NIN: variants seen among roughly 807,000 people sequenced by gnomAD.
The protein encoded by NIN is ninein.
Under a neutral mutation model 257.6 loss-of-function variants are expected in NIN, and 137 were observed. The ratio of observed to expected loss-of-function variants is 0.53; its 90% confidence interval spans 0.46 to 0.61. The LOEUF is 0.61. Ranked by LOEUF, NIN falls within the 20% of genes least tolerant of loss-of-function variation. The pLI is 0.00. For synonymous variants in NIN, 918 were observed against 919.8 expected (o/e 1.00, Z 0.04); for missense variants, 2,439 against 2,501.2 (o/e 0.98, Z 0.53).
chr14:50,798,767 T>A (rs994266184), intron 4 of NIN, among the ~76,000 whole-genome samples: 5 of 152,226 alleles, frequency 3.3e-5, no homozygotes, highest in Non-Finnish European at 7.3e-5. Context: ...TGATGCACAC[T>A]GTCCATAGCT....
At chr14:50,751,747 G>T (rs2041798468) in intron 21 of NIN, among the ~76,000 whole-genome samples, 1 of 152,046 alleles carries the variant, frequency 6.6e-6, no homozygotes, top group South Asian at 2.1e-4. Flanking sequence ...GGCTGGTCTT[G>T]AACTCCTAGG....
At chr14:50,738,631 A>G (rs917388726) in intron 26 of NIN, among the ~76,000 whole-genome samples, 4 of 152,126 alleles carry the variant, frequency 2.6e-5, no homozygotes, top group Non-Finnish European at 4.4e-5. Flanking sequence ...TACTTTTAGG[A>G]GAGAATGGGC....
chr14:50,810,761 C>T (rs1203287391), intron 3 of NIN, among the ~76,000 whole-genome samples: 4 of 151,668 alleles, frequency 2.6e-5, no homozygotes, highest in South Asian at 4.2e-4. Flanking sequence ...CCTGGGTTCA[C>T]GCCATTCTCC....
intron 3 of NIN, among the ~76,000 whole-genome samples, chr14:50,816,628 TTC>T (rs778309906): frequency 3.3e-4 from 50 of 152,280 alleles, no homozygotes; most frequent in Non-Finnish European, 5.3e-4. Context: ...AAGCCAAGGT[TTC>T]TCTGTCAGAT....
chr14:50,817,996 G>GT (rs1201739041), intron 3 of NIN, among the ~76,000 whole-genome samples: 7 of 151,250 alleles, frequency 4.6e-5, no homozygotes, highest in Admixed American at 4.6e-4. Flanking sequence ...GATTACAGGC[G>GT]TGAGTCACCG....
Position 50,725,296 on chromosome 14 carries a change from G to A in NIN, c.6192+657C>T, listed in dbSNP as rs1043698362. 2.6e-5 allele frequency among the ~76,000 whole-genome samples: 4 copies of A among 152,028 alleles called. No homozygotes were observed. In the South Asian group the frequency reaches 8.3e-4, roughly 31 times the overall value. On this transcript the variant is annotated intron_variant, in intron 30 of 30. Transcript: ENST00000530997. ...AGAGGCTATAACACTCTCCCAGAGG[G>A]TAGTACTTTCTGCTTGTCTCTTCAG... is the stretch of plus-strand genomic sequence containing the variant.
chr14:50,766,868 T>C lies in NIN; in HGVS notation c.1457A>G (p.Glu486Gly), dbSNP rs750367370. ...SLKENSRLENELLENAEKLAE... is the reference protein window; with the variant it reads ...SLKENSRLENGLLENAEKLAE... The stretch of plus-strand genomic sequence containing the variant: ...CAACTTCTCTGCATTTTCTAGAAGC[T>C]CATTTTCCAGACGACTGTTTTCCTG... Residue 486 changes from glutamate (E) to glycine (G), a missense_variant, in exon 13 of 31, where the codon GAG becomes GGG. Coordinates refer to ENST00000530997, the MANE Select transcript of NIN (RefSeq NM_020921.4). The C allele has an allele frequency of 1.3e-5, 21 of 1,613,516 alleles. No individual in the cohort carries two copies. Among genetic ancestry groups the C allele is most frequent in the Non-Finnish European group, 1.7e-5 (20 of 1,179,712 alleles).
At chr14:50,812,880 C>T (rs1192186951) in intron 3 of NIN, among the ~76,000 whole-genome samples, 1 of 152,176 alleles carries the variant, frequency 6.6e-6, no homozygotes, top group Non-Finnish European at 1.5e-5. Context: ...CCTCTTTTTC[C>T]AACAAACAGT....
rs1321708555 is a variant in NIN at position 50,757,625 on chromosome 14, T to C, written c.3405A>G (p.Val1135=). 1.2e-6 allele frequency: 2 copies of C among 1,614,206 alleles called. No individual in the cohort carries two copies. Among genetic ancestry groups the C allele is most frequent in the Non-Finnish European group, 1.7e-6 (2 of 1,180,042 alleles). The change falls in exon 18 of 31, where the codon GTA becomes GTG. Residue 1135 remains valine (V), a synonymous_variant. Transcript: ENST00000530997. ...GGACATGCCGCCTGGTCACACCTTC[T>C]ACTTGCTTCGTTCGGTTTTGCTGTA... ...QFLQQNRTKQ[V]EGVTRRHVLS...
intron 15 of NIN, 97 bp downstream of exon 15, chr14:50,763,729 T>A: frequency 1.8e-6 from 2 of 1,104,556 alleles, no homozygotes; most frequent in Non-Finnish European, 2.6e-6. Context: ...TTTTTTTTTC[T>A]TTTTTCAAGT....
chr14:50,829,115 A>G (rs902992190), intron 2 of NIN, among the ~76,000 whole-genome samples: 1 of 152,208 alleles, frequency 6.6e-6, no homozygotes, highest in African/African-American at 2.4e-5. Context: ...TCACCAGAGA[A>G]CAGGGAAAAT....
At chr14:50,828,645 T>A (rs114279432) in intron 2 of NIN, among the ~76,000 whole-genome samples, 1 of 152,238 alleles carries the variant, frequency 6.6e-6, no homozygotes, top group East Asian at 1.9e-4. Flanking sequence ...CCTTTATCAA[T>A]GTAAGACTGA....
chr14:50,817,120 C>A (rs1042084982), intron 3 of NIN, among the ~76,000 whole-genome samples: 2 of 152,178 alleles, frequency 1.3e-5, no homozygotes, highest in African/African-American at 4.8e-5. Flanking sequence ...TCTCCCACAG[C>A]ATAGGCCATT....
intron 2 of NIN, 34 bp from the exon 3 acceptor site, chr14:50,822,111 G>C (rs1595945977): frequency 7.9e-6 from 12 of 1,515,738 alleles, no homozygotes; most frequent in Middle Eastern, 1.7e-4. Context: ...ACAGGTTGTG[G>C]CAGCCTCTCC....
intron 20 of NIN, among the ~76,000 whole-genome samples, chr14:50,753,697 G>A (rs1273500057): frequency 1.3e-5 from 2 of 151,914 alleles, no homozygotes; most frequent in African/African-American, 4.8e-5. Context: ...TCTCTAATAT[G>A]TCTTCCTCAC....
At chr14:50,804,215 T>C (rs1431380341) in intron 4 of NIN, among the ~76,000 whole-genome samples, 1 of 151,660 alleles carries the variant, frequency 6.6e-6, no homozygotes, top group East Asian at 1.9e-4. Context: ...CATTTTAGAG[T>C]GAGTGGAAGA....
At chr14:50,810,195 C>A (rs559493538) in intron 3 of NIN, among the ~76,000 whole-genome samples, 1 of 142,478 alleles carries the variant, frequency 7.0e-6, no homozygotes, top group South Asian at 2.2e-4. Flanking sequence ...TGGGCCACTG[C>A]ACTACAGCCT....
intron 21 of NIN, among the ~76,000 whole-genome samples, chr14:50,750,489 ATATAG>A (rs2041740339): frequency 6.6e-6 from 1 of 152,248 alleles, no homozygotes. Context: ...CTAGTAAGAC[ATATAG>A]TAGTTTCAGA....
intron 16 of NIN, 135 bp from the exon 17 acceptor site, chr14:50,760,494 T>A: frequency 1.1e-6 from 1 of 947,702 alleles, no homozygotes; most frequent in Non-Finnish European, 1.5e-6. Context: ...TATCTTGTTT[T>A]AAAGTAACTG....
Sources: gnomAD v4.1 joint callset for allele counts (sites outside exome capture counted in the v4.1 genomes callset) on GRCh38, gnomAD v4.1.1 for gene constraint, MANE v1.5 for transcripts, NCBI Gene and HGNC (gene_info 2026-07-23, HGNC 2026-07-21) for gene names.